HIF1A: variants seen among roughly 807,000 people sequenced by gnomAD.
The protein encoded by HIF1A is hypoxia-inducible factor 1-alpha.
A neutral mutation model predicts 92.7 loss-of-function variants in HIF1A; 24 were observed. That is an observed-to-expected ratio of 0.26 (90% confidence interval 0.19 to 0.36). The LOEUF is 0.36. Among genes scored for constraint, HIF1A ranks in the 10% least tolerant of loss-of-function variants. HIF1A has a pLI of 1.00. For synonymous variants in HIF1A, 319 were observed against 338.7 expected (o/e 0.94, Z 0.64); for missense variants, 799 against 998.5 (o/e 0.80, Z 2.69).
chr14:61,705,693 T>C (rs2044230934), intron 1 of HIF1A, among the ~76,000 whole-genome samples: 1 of 152,172 alleles, frequency 6.6e-6, no homozygotes, highest in African/African-American at 2.4e-5. Flanking sequence ...TCAGGTGGAA[T>C]CTGAGATCTG....
intron 12 of HIF1A, among the ~76,000 whole-genome samples, 175 bp downstream of exon 12, chr14:61,741,363 T>C (rs1352830565): frequency 4.2e-5 from 2 of 47,294 alleles, no homozygotes; most frequent in Non-Finnish European, 1.5e-4. Context: ...TCTTTTTCTT[T>C]CTTTTTTTTT....
At chr14:61,725,792 T>C (rs1448983504) in intron 4 of HIF1A, among the ~76,000 whole-genome samples, 2 of 151,964 alleles carry the variant, frequency 1.3e-5, no homozygotes, top group Admixed American at 6.6e-5. Context: ...TTGGAGTGAA[T>C]AGACTTTACT....
chr14:61,746,687 C>T (rs1255128702), intron 14 of HIF1A, among the ~76,000 whole-genome samples: 1 of 152,136 alleles, frequency 6.6e-6, no homozygotes, highest in Non-Finnish European at 1.5e-5. Context: ...TGATGCCCAC[C>T]ATATTTATGC....
chr14:61,706,256 T>C (rs2140122102), intron 1 of HIF1A, among the ~76,000 whole-genome samples: 1 of 152,340 alleles, frequency 6.6e-6, no homozygotes, highest in Admixed American at 6.5e-5. Context: ...TTCTTCACTC[T>C]TGAATGTTTG....
intron 1 of HIF1A, among the ~76,000 whole-genome samples, chr14:61,710,387 G>A (rs573756314): frequency 5.3e-5 from 8 of 152,242 alleles, no homozygotes; most frequent in Non-Finnish European, 8.8e-5. Flanking sequence ...TTATTGCACC[G>A]TGTCCTGTTC....
intron 1 of HIF1A, among the ~76,000 whole-genome samples, chr14:61,703,834 G>A (rs965908812): frequency 2.4e-5 from 3 of 123,530 alleles, no homozygotes; most frequent in Non-Finnish European, 5.4e-5. Context: ...TGGGCCATGA[G>A]TTTTTGTTGC....
chr14:61,745,679 T>C lies in HIF1A; in HGVS notation c.2203-12T>C. The C allele has an allele frequency of 6.2e-7, 1 of 1,601,274 alleles. No homozygotes were observed. Among genetic ancestry groups the C allele is most frequent in the Non-Finnish European group, 8.5e-7 (1 of 1,175,676 alleles). ...CAACAAACTAAACTTGAAATAACTT[T>C]ACTGTTTATAGGGAACATTATTACA... On this transcript the variant is annotated splice_polypyrimidine_tract_variant and intron_variant, in intron 13 of 14. Transcript: ENST00000337138.
intron 1 of HIF1A, chr14:61,698,082 G>A: frequency 2.1e-6 from 1 of 481,210 alleles, no homozygotes; most frequent in East Asian, 3.5e-5. Flanking sequence ...AGAGAGTAAT[G>A]ATTCTGTTTC....
At chr14:61,702,273 C>CAAAAAAAAAAA (rs34312928) in intron 1 of HIF1A, among the ~76,000 whole-genome samples, 11 of 101,914 alleles carry the variant, frequency 1.1e-4, no homozygotes, top group Admixed American at 2.2e-4. Context: ...ACTAAAAATA[C>CAAAAAAAAAAA]AAAAAAAAAA....
At chr14:61,696,617 C>T (rs1196002758) in intron 1 of HIF1A, among the ~76,000 whole-genome samples, 1 of 152,142 alleles carries the variant, frequency 6.6e-6, no homozygotes, top group African/African-American at 2.4e-5. Flanking sequence ...TTCATATCAC[C>T]TGTCACGAGA....
chr14:61,714,017 C>T (rs2044336168), intron 1 of HIF1A, among the ~76,000 whole-genome samples: 1 of 152,050 alleles, frequency 6.6e-6, no homozygotes, highest in South Asian at 2.1e-4. Context: ...GGTGTGGGAG[C>T]AGAGGGGGGA....
At chr14:61,715,050 A>C (rs1387000819) in intron 1 of HIF1A, among the ~76,000 whole-genome samples, 1 of 152,044 alleles carries the variant, frequency 6.6e-6, no homozygotes, top group Non-Finnish European at 1.5e-5. Context: ...AAAAAAAAAC[A>C]GTTTCTGTGA....
chr14:61,746,846 T>G, intron 14 of HIF1A, 88 bp from the exon 15 acceptor site: 1 of 1,092,414 alleles, frequency 9.2e-7, no homozygotes, highest in Non-Finnish European at 1.3e-6. Flanking sequence ...TTTGCTTTAT[T>G]TTCTATGATA....
In HIF1A at chr14:61,695,796, C is replaced by A; in HGVS notation, c.-9C>A. 2 of 1,596,708 alleles carry A rather than the reference C, an allele frequency of 1.3e-6. No homozygotes were observed. The highest frequency in any genetic ancestry group is 1.7e-4 in the Middle Eastern group (1 of 6,034). On this transcript the variant is annotated 5_prime_UTR_variant, in exon 1 of 15. Coordinates refer to ENST00000337138, the MANE Select transcript of HIF1A (RefSeq NM_001530.4). Reference sequence around the variant, plus strand: ...CCCGCCGTGAAGACATCGCGGGGACCGATTCACCATGGAGGGCGCCGGCGG... The same window carrying A: ...CCCGCCGTGAAGACATCGCGGGGACAGATTCACCATGGAGGGCGCCGGCGG...
At chr14:61,711,731 C>T (rs958825902) in intron 1 of HIF1A, among the ~76,000 whole-genome samples, 3 of 152,170 alleles carry the variant, frequency 2.0e-5, no homozygotes, top group African/African-American at 4.8e-5. Flanking sequence ...TGCCTGTGTT[C>T]ACATTTATTC....
intron 10 of HIF1A, among the ~76,000 whole-genome samples, chr14:61,738,946 T>C (rs1226851881): frequency 6.6e-6 from 1 of 152,056 alleles, no homozygotes; most frequent in Non-Finnish European, 1.5e-5. Flanking sequence ...GTTGGGGTTC[T>C]CACTATGTTG....
At chr14:61,711,631 T>G (rs1261137024) in intron 1 of HIF1A, among the ~76,000 whole-genome samples, 2 of 152,248 alleles carry the variant, frequency 1.3e-5, no homozygotes, top group Non-Finnish European at 2.9e-5. Flanking sequence ...GGTGATTGTT[T>G]TAATTGATAG....
intron 1 of HIF1A, among the ~76,000 whole-genome samples, chr14:61,708,666 T>A (rs1183330489): frequency 6.6e-6 from 1 of 152,162 alleles, no homozygotes; most frequent in Non-Finnish European, 1.5e-5. Flanking sequence ...GGTCTATATC[T>A]CTGTTTTGGT....
intron 1 of HIF1A, among the ~76,000 whole-genome samples, chr14:61,699,536 G>A (rs2044155284): frequency 6.6e-6 from 1 of 151,726 alleles, no homozygotes; most frequent in Non-Finnish European, 1.5e-5. Context: ...GGATGTTAAA[G>A]ATTTGGGTTA....
Sources: gnomAD v4.1 joint callset for allele counts (sites outside exome capture counted in the v4.1 genomes callset) on GRCh38, gnomAD v4.1.1 for gene constraint, MANE v1.5 for transcripts, NCBI Gene and HGNC (gene_info 2026-07-23, HGNC 2026-07-21) for gene names.